RFX7: variants seen among roughly 807,000 people sequenced by gnomAD.
RFX7 encodes the protein DNA-binding protein RFX7.
RFX7 carries 26 observed loss-of-function variants against 111.8 expected under a neutral mutation model. The observed-to-expected ratio is 0.23, with a 90% CI of 0.17 to 0.32. The LOEUF (loss-of-function observed/expected upper bound fraction) is 0.32. Ranked by LOEUF, RFX7 falls within the 10% of genes least tolerant of loss-of-function variation. RFX7 has a pLI of 1.00. For synonymous variants in RFX7, 624 were observed against 624.4 expected, an observed-to-expected ratio of 1.00 and a Z score of 0.01; for missense variants, 1,573 against 1,772.9, an observed-to-expected ratio of 0.89 and a Z score of 2.02.
intron 2 of RFX7, among the ~76,000 whole-genome samples, chr15:56,225,386 A>G (rs1255312721): frequency 2.0e-5 from 3 of 152,120 alleles, no homozygotes; most frequent in African/African-American, 4.8e-5. Flanking sequence ...TCATTATGGA[A>G]AGCCCTGTCT....
intron 3 of RFX7, among the ~76,000 whole-genome samples, chr15:56,174,503 C>T (rs2042880417): frequency 6.6e-6 from 1 of 152,098 alleles, no homozygotes; most frequent in African/African-American, 2.4e-5. Context: ...TCTCAAAGCA[C>T]TTTGGGAGGC....
intron 2 of RFX7, among the ~76,000 whole-genome samples, chr15:56,236,121 G>A (rs771195368): frequency 7.9e-5 from 12 of 152,076 alleles, no homozygotes; most frequent in South Asian, 4.1e-4. Context: ...TATGAGCTAC[G>A]GTAATAGATG....
intron 2 of RFX7, among the ~76,000 whole-genome samples, chr15:56,230,487 A>C (rs1308811274): frequency 6.6e-6 from 1 of 152,248 alleles, no homozygotes; most frequent in African/African-American, 2.4e-5. Context: ...GTTTTGGGAG[A>C]AAATTACCAC....
chr15:56,223,538 G>A (rs2043448127), intron 2 of RFX7, among the ~76,000 whole-genome samples: 1 of 152,156 alleles, frequency 6.6e-6, no homozygotes, highest in South Asian at 2.1e-4. Context: ...ATCATGGAGG[G>A]AGGGTAAGTT....
rs899813275 is a variant in RFX7, at chr15:56,146,568, T to C, written c.196-2085A>G. Among the ~76,000 whole-genome samples the C allele has an allele frequency of 7.2e-5, 11 of 152,142 alleles. 1 individual carries two copies. Among genetic ancestry groups the C allele is most frequent in the Admixed American group, 6.5e-4 (10 of 15,278 alleles). On this transcript the variant is annotated intron_variant, in intron 3 of 9. Transcript: ENST00000559447. ...TGTTGGAGAAACCTTGGATTCTATA[T>C]AGCTTTCAAATTTTAAATATACTGG...
intron 8 of RFX7, among the ~76,000 whole-genome samples, chr15:56,099,180 G>A (rs1345725259): frequency 6.6e-6 from 1 of 152,012 alleles, no homozygotes; most frequent in Non-Finnish European, 1.5e-5. Flanking sequence ...GTAAGTTGTG[G>A]GCAGTAAAAA....
chr15:56,238,979 G>A (rs376410573), intron 2 of RFX7, among the ~76,000 whole-genome samples: 15 of 152,000 alleles, frequency 9.9e-5, no homozygotes, highest in East Asian at 3.9e-4. Context: ...GACTACAGGC[G>A]CACGATGCCA....
At chr15:56,226,698 G>A (rs1353264404) in intron 2 of RFX7, among the ~76,000 whole-genome samples, 3 of 152,174 alleles carry the variant, frequency 2.0e-5, no homozygotes, top group Non-Finnish European at 4.4e-5. Context: ...TAAGCATTGT[G>A]ATAAGACCTG....
chr15:56,094,249 C>A lies in RFX7; in HGVS notation c.3479G>T (p.Ser1160Ile), dbSNP rs1408969381. 1 of 1,613,956 alleles carries A rather than the reference C, an allele frequency of 6.2e-7. No individual in the cohort carries two copies. Among genetic ancestry groups the A allele is most frequent in the Admixed American group, 1.7e-5 (1 of 60,010 alleles). The change falls in exon 10 of 10, where the codon AGC (serine) becomes ATC (isoleucine). Residue 1160 changes from serine (S) to isoleucine (I), a missense_variant. Transcript: ENST00000559447. ...GCTCACACTCCGGCATCTGAAGTTG[C>A]TGCTGGCAGATGAATTAGTTCCTTT... is the stretch of plus-strand genomic sequence containing the variant. Reference protein sequence around the residue: ...DNKGTNSSASSNFRCRSVSPA... With the variant: ...DNKGTNSSASINFRCRSVSPA...
chr15:56,180,058 G>C (rs181115137), intron 2 of RFX7, among the ~76,000 whole-genome samples: 1 of 152,102 alleles, frequency 6.6e-6, no homozygotes, highest in Admixed American at 6.5e-5. Flanking sequence ...AAAATGCAAA[G>C]AAATCGTGCA....
chr15:56,229,366 C>T (rs1039342573), intron 2 of RFX7, among the ~76,000 whole-genome samples: 6 of 151,996 alleles, frequency 3.9e-5, no homozygotes, highest in Admixed American at 3.3e-4. Context: ...CCCAGGTTCA[C>T]GCCATTCTCC....
chr15:56,178,095 G>C (rs1364077897), intron 3 of RFX7, among the ~76,000 whole-genome samples: 1 of 149,846 alleles, frequency 6.7e-6, no homozygotes, highest in Non-Finnish European at 1.5e-5. Context: ...ATTTGTAAAA[G>C]GGAGGTAACA....
At chr15:56,130,184 ATTT>A (rs2042194196) in intron 5 of RFX7, among the ~76,000 whole-genome samples, 1 of 152,172 alleles carries the variant, frequency 6.6e-6, no homozygotes, top group Non-Finnish European at 1.5e-5. Flanking sequence ...GACAAAAAGA[ATTT>A]TTTACAGAAT....
chr15:56,158,156 T>C (rs2042676793), intron 3 of RFX7, among the ~76,000 whole-genome samples: 4 of 152,132 alleles, frequency 2.6e-5, no homozygotes, highest in Admixed American at 2.6e-4. Flanking sequence ...TTACTTGAAA[T>C]TGATGTCTAT....
chr15:56,107,142 A>C (rs1384735091), intron 5 of RFX7, among the ~76,000 whole-genome samples: 4 of 151,804 alleles, frequency 2.6e-5, no homozygotes. Flanking sequence ...CTAAAAATAC[A>C]AAAAATTAGC....
At chr15:56,171,279 C>A (rs1311127534) in intron 3 of RFX7, among the ~76,000 whole-genome samples, 2 of 152,108 alleles carry the variant, frequency 1.3e-5, no homozygotes, top group South Asian at 4.2e-4. Context: ...GATAATGACC[C>A]CAGAAATGTT....
chr15:56,117,482 CA>C (rs1248832359), intron 5 of RFX7, among the ~76,000 whole-genome samples: 1 of 152,092 alleles, frequency 6.6e-6, no homozygotes, highest in Non-Finnish European at 1.5e-5. Context: ...AAACATCTGT[CA>C]TTTATTTGTG....
At chr15:56,209,363 T>G (rs1484435791) in intron 2 of RFX7, among the ~76,000 whole-genome samples, 3 of 151,548 alleles carry the variant, frequency 2.0e-5, no homozygotes, top group Non-Finnish European at 4.4e-5. Context: ...AAATATTTTC[T>G]CACAAAAACA....
intron 2 of RFX7, chr15:56,192,627 A>G (rs920070071): frequency 5.4e-6 from 1 of 183,906 alleles, no homozygotes; most frequent in South Asian, 1.3e-4. Context: ...TTGAATCCTG[A>G]GACAGCTGAC....
Sources: allele counts gnomAD v4.1 joint callset (sites outside exome capture counted in the v4.1 genomes callset), GRCh38; gene constraint gnomAD v4.1.1; transcripts MANE v1.5; gene names NCBI Gene and HGNC (gene_info 2026-07-23, HGNC 2026-07-21).